EEA1: variants seen among roughly 807,000 people sequenced by gnomAD.
EEA1 encodes early endosome antigen 1.
EEA1 carries 111 observed loss-of-function variants against 209.2 expected under a neutral mutation model. The ratio of observed to expected loss-of-function variants is 0.53; its 90% confidence interval spans 0.45 to 0.62. EEA1 has a LOEUF of 0.62. Ranked by LOEUF, EEA1 falls within the 20% of genes least tolerant of loss-of-function variation. EEA1 has a pLI of 0.00. For missense variants in EEA1, 1,343 were observed against 1,530.8 expected (o/e 0.88, Z 2.05); for synonymous variants, 536 against 540.6 (o/e 0.99, Z 0.12).
intron 2 of EEA1, among the ~76,000 whole-genome samples, chr12:92,883,323 T>G (rs913464874): frequency 6.6e-6 from 1 of 152,350 alleles, no homozygotes; most frequent in South Asian, 2.1e-4. Context: ...ATCTGCAAAC[T>G]TGGCTGCACA....
At chr12:92,852,652 A>G (rs774654122) in intron 7 of EEA1, among the ~76,000 whole-genome samples, 1 of 152,102 alleles carries the variant, frequency 6.6e-6, no homozygotes, top group Non-Finnish European at 1.5e-5. Context: ...ATCTTTAAGC[A>G]TGCCACAGAA....
intron 2 of EEA1, among the ~76,000 whole-genome samples, chr12:92,882,232 T>G: frequency 6.6e-6 from 1 of 151,968 alleles, no homozygotes; most frequent in South Asian, 2.1e-4. Flanking sequence ...CTCAGCCTCC[T>G]GAGTAGCTGG....
chr12:92,802,284 G>A (rs1874954149), intron 19 of EEA1, 120 bp downstream of exon 19: 8 of 905,950 alleles, frequency 8.8e-6, no homozygotes, highest in Non-Finnish European at 1.3e-5. Context: ...TTCCTCATAA[G>A]AACTACTTTA....
chr12:92,913,283 C>T (rs1880643807), intron 1 of EEA1, among the ~76,000 whole-genome samples: 1 of 152,156 alleles, frequency 6.6e-6, no homozygotes, highest in Non-Finnish European at 1.5e-5. Flanking sequence ...TTTTAATTTG[C>T]ATTTCTCTGA....
At chr12:92,924,445 G>A (rs983973336) in intron 1 of EEA1, among the ~76,000 whole-genome samples, 1 of 151,948 alleles carries the variant, frequency 6.6e-6, no homozygotes, top group African/African-American at 2.4e-5. Flanking sequence ...CTGACCTCAG[G>A]TGATCCACCC....
At chr12:92,864,759 T>C in intron 3 of EEA1, 101 bp downstream of exon 3, 2 of 1,150,932 alleles carry the variant, frequency 1.7e-6, no homozygotes, top group Non-Finnish European at 2.3e-6. Flanking sequence ...AATTAAATAA[T>C]ACAAAAAGGT....
chr12:92,785,784 G>A (rs1874105032), intron 22 of EEA1, among the ~76,000 whole-genome samples: 1 of 152,122 alleles, frequency 6.6e-6, no homozygotes, highest in South Asian at 2.1e-4. Flanking sequence ...GCAAGCTTTG[G>A]AATAGAGGAT....
Position 92,816,252 on chromosome 12 carries a change from A to G in EEA1, c.1877T>C (p.Leu626Ser), listed in dbSNP as rs1190902482. The G allele has an allele frequency of 6.2e-7, 1 of 1,613,966 alleles. No homozygotes were observed. The highest frequency in any genetic ancestry group is 1.6e-4 in the Middle Eastern group (1 of 6,062). The change falls in exon 15 of 29, where the codon TTA becomes TCA. Residue 626 changes from leucine to serine, a missense_variant. This residue lies in a region of EEA1 where 1,307 missense variants were observed against 1,465.5 expected (regional missense o/e 0.89). Coordinates refer to ENST00000322349, the MANE Select transcript of EEA1 (RefSeq NM_003566.4). Reference sequence around the variant, plus strand: ...CTTGCTTTCATTTAATTGACTATTTAATTCATTGACACTAGTTTCTAGGGA... The same window carrying G: ...CTTGCTTTCATTTAATTGACTATTTGATTCATTGACACTAGTTTCTAGGGA... ...VLSLETSVNE[L>S]NSQLNESKEK...
At chr12:92,854,351 A>T (rs1389440907) in intron 5 of EEA1, among the ~76,000 whole-genome samples, 5 of 152,164 alleles carry the variant, frequency 3.3e-5, no homozygotes, top group African/African-American at 7.2e-5. Flanking sequence ...AACTTCTAAC[A>T]CTAACATAGT....
intron 3 of EEA1, among the ~76,000 whole-genome samples, chr12:92,860,092 C>T (rs954565086): frequency 6.6e-6 from 1 of 152,162 alleles, no homozygotes; most frequent in Non-Finnish European, 1.5e-5. Flanking sequence ...AGGACATACA[C>T]GCAAGGTTTT....
chr12:92,825,403 G>A (rs978207952), intron 13 of EEA1, among the ~76,000 whole-genome samples: 7 of 150,992 alleles, frequency 4.6e-5, no homozygotes, highest in Non-Finnish European at 8.8e-5. Context: ...GCAGTGAGCC[G>A]AGATAGCGCC....
At chr12:92,879,543 G>A (rs1277078593) in intron 2 of EEA1, among the ~76,000 whole-genome samples, 1 of 151,860 alleles carries the variant, frequency 6.6e-6, no homozygotes, top group African/African-American at 2.4e-5. Context: ...CAAAGGGAAG[G>A]GGGAGGGGAA....
intron 10 of EEA1, among the ~76,000 whole-genome samples, chr12:92,841,441 C>T (rs1159312559): frequency 1.3e-5 from 2 of 152,030 alleles, no homozygotes; most frequent in Non-Finnish European, 2.9e-5. Context: ...TAGACCTTAA[C>T]AAAAATGAAA....
intron 11 of EEA1, among the ~76,000 whole-genome samples, chr12:92,829,287 A>G (rs907755606): frequency 6.6e-6 from 1 of 152,186 alleles, no homozygotes; most frequent in Non-Finnish European, 1.5e-5. Context: ...AGCCTAGGCA[A>G]CAAAGTGAGA....
At chr12:92,887,161 TC>T in intron 2 of EEA1, among the ~76,000 whole-genome samples, 1 of 151,902 alleles carries the variant, frequency 6.6e-6, no homozygotes, top group African/African-American at 2.4e-5. Context: ...CATTTTTTAA[TC>T]CAAAATGAAA....
At position 92,857,446 on chromosome 12, in the gene EEA1, T is replaced by G. The variant is rs889595095; in HGVS notation, c.285A>C (p.Leu95=). 41 of 1,598,376 alleles carry G rather than the reference T, an allele frequency of 2.6e-5. No homozygotes were observed. The highest frequency in any genetic ancestry group is 3.5e-5 in the Non-Finnish European group (41 of 1,174,650). The change falls in exon 4 of 29, where the codon CTA becomes CTC. Residue 95 remains leucine, a synonymous_variant. Coordinates refer to ENST00000322349, the MANE Select transcript of EEA1 (RefSeq NM_003566.4). The part of the protein sequence containing the change: ...VTLLRQEVQD[L]QASLKEEKWY... ...TTATTCTTACCTTAAGTGAAGCCTG[T>G]AGGTCTTGGACCTCTTGTCTGAGCA...
At chr12:92,794,499 G>A (rs1874562201) in intron 21 of EEA1, among the ~76,000 whole-genome samples, 1 of 152,074 alleles carries the variant, frequency 6.6e-6, no homozygotes, top group African/African-American at 2.4e-5. Context: ...ATCGATGATA[G>A]ACTGGATAAA....
chr12:92,808,139 T>C (rs950881987), intron 18 of EEA1, among the ~76,000 whole-genome samples: 1 of 152,158 alleles, frequency 6.6e-6, no homozygotes, highest in South Asian at 2.1e-4. Context: ...TTAGATACTA[T>C]GATATTAGGT....
At chr12:92,868,821 C>T (rs1286593788) in intron 2 of EEA1, among the ~76,000 whole-genome samples, 2 of 149,838 alleles carry the variant, frequency 1.3e-5, no homozygotes, top group Non-Finnish European at 3.0e-5. Flanking sequence ...TTGTCTAATA[C>T]CTCCAAGACA....
Sources: gnomAD v4.1 joint callset for allele counts (sites outside exome capture counted in the v4.1 genomes callset) on GRCh38, gnomAD v4.1.1 for gene constraint, gnomAD v4.1.1 regional missense constraint, MANE v1.5 for transcripts, NCBI Gene and HGNC (gene_info 2026-07-23, HGNC 2026-07-21) for gene names.